PPARGC1A: variants seen among roughly 807,000 people sequenced by gnomAD.
PPARGC1A encodes PPARG coactivator 1 alpha.
A neutral mutation model predicts 88.7 loss-of-function variants in PPARGC1A; 25 were observed. The ratio of observed to expected loss-of-function variants is 0.28; its 90% confidence interval spans 0.21 to 0.39. The LOEUF is 0.39. Among genes scored for constraint, PPARGC1A ranks in the 10% least tolerant of loss-of-function variants. The pLI is 1.00. For synonymous variants in PPARGC1A, 363 were observed against 355.6 expected (o/e 1.02, Z -0.24); for missense variants, 880 against 968.7 (o/e 0.91, Z 1.22).
At chr4:24,191,040 A>G in the PPARGC1A span, among the ~76,000 whole-genome samples, 1 of 152,214 alleles carries the variant, frequency 6.6e-6, no homozygotes, top group Non-Finnish European at 1.5e-5. Flanking sequence ...TGGATGAAGA[A>G]AGCAGCAGCC....
At chr4:24,064,758 T>C in the PPARGC1A span, among the ~76,000 whole-genome samples, 1 of 152,284 alleles carries the variant, frequency 6.6e-6, no homozygotes, top group South Asian at 2.1e-4. Flanking sequence ...CTGGGGTTTT[T>C]TGGTTGGTTT....
At chr4:24,192,286 T>C in the PPARGC1A span, among the ~76,000 whole-genome samples, 3 of 152,262 alleles carry the variant, frequency 2.0e-5, no homozygotes, top group South Asian at 2.1e-4. Flanking sequence ...GGTAACAGGA[T>C]TGTAACAATC....
chr4:24,097,111 G>A, the PPARGC1A span, among the ~76,000 whole-genome samples: 1 of 152,084 alleles, frequency 6.6e-6, no homozygotes, highest in African/African-American at 2.4e-5. Flanking sequence ...GGGAAGGGAG[G>A]GAAGGTGGTT....
At chr4:23,993,910 T>C in the PPARGC1A span, among the ~76,000 whole-genome samples, 1 of 152,156 alleles carries the variant, frequency 6.6e-6, no homozygotes, top group Admixed American at 6.6e-5. Context: ...CTCAGTGGTA[T>C]CCTAGGGGCT....
the PPARGC1A span, among the ~76,000 whole-genome samples, chr4:24,136,504 G>T: frequency 4.6e-5 from 7 of 152,120 alleles, no homozygotes; most frequent in Non-Finnish European, 8.8e-5. Flanking sequence ...CAAGAATAGC[G>T]CTTGGAAATG....
the PPARGC1A span, among the ~76,000 whole-genome samples, chr4:24,040,279 A>T: frequency 1.3e-5 from 2 of 152,180 alleles, no homozygotes; most frequent in African/African-American, 4.8e-5. Flanking sequence ...TAGACTCTGC[A>T]TTTTAATGTG....
intron 7 of PPARGC1A, among the ~76,000 whole-genome samples, chr4:23,818,666 C>T (rs886802502): frequency 6.6e-6 from 1 of 151,636 alleles, no homozygotes; most frequent in East Asian, 1.9e-4. Context: ...TTTAAACAGC[C>T]CTTTTATTTA....
At chr4:24,277,411 G>A in the PPARGC1A span, among the ~76,000 whole-genome samples, 7 of 152,052 alleles carry the variant, frequency 4.6e-5, no homozygotes, top group Admixed American at 1.3e-4. Context: ...AGCCCTCCAA[G>A]TGTAGGCTCT....
the PPARGC1A span, among the ~76,000 whole-genome samples, chr4:24,159,825 T>C: frequency 6.6e-6 from 1 of 152,304 alleles, no homozygotes; most frequent in Non-Finnish European, 1.5e-5. Flanking sequence ...GAATTTGAGG[T>C]CTGGCTTTTG....
the PPARGC1A span, among the ~76,000 whole-genome samples, chr4:24,119,225 GC>G: frequency 6.6e-6 from 1 of 152,090 alleles, no homozygotes; most frequent in Non-Finnish European, 1.5e-5. Flanking sequence ...CCGAAATGCT[GC>G]CCCCACCTTT....
chr4:24,128,531 AGTGTGT>A, the PPARGC1A span, among the ~76,000 whole-genome samples: 14,303 of 138,108 alleles, frequency 0.1, 774 homozygotes, highest in Middle Eastern at 0.14. Context: ...AGCCTGTCAC[AGTGTGT>A]GTGTGTGTGT....
intron 7 of PPARGC1A, among the ~76,000 whole-genome samples, chr4:23,815,617 A>G (rs1467919279): frequency 6.6e-6 from 1 of 152,152 alleles, no homozygotes; most frequent in African/African-American, 2.4e-5. Context: ...GAAGCGTAGT[A>G]GTTTCCTCTG....
At chr4:24,459,457 A>G in the PPARGC1A span, among the ~76,000 whole-genome samples, 1 of 98,472 alleles carries the variant, frequency 1.0e-5, no homozygotes, top group Admixed American at 9.4e-5. Context: ...GTAAATAATG[A>G]AAAAAAAAAA....
chr4:23,874,558 T>TA (rs60012560), intron 2 of PPARGC1A, among the ~76,000 whole-genome samples: 7,576 of 139,198 alleles, frequency 0.054, 265 homozygotes, highest in East Asian at 0.15. Flanking sequence ...TTTTTCCCCC[T>TA]AAAAAAAAAA....
the PPARGC1A span, among the ~76,000 whole-genome samples, chr4:24,315,731 T>C: frequency 6.6e-6 from 1 of 152,186 alleles, no homozygotes; most frequent in South Asian, 2.1e-4. Flanking sequence ...GTAAACATCC[T>C]ACAATGGAAT....
chr4:24,461,241 T>C, the PPARGC1A span, among the ~76,000 whole-genome samples: 1 of 152,264 alleles, frequency 6.6e-6, no homozygotes, highest in Admixed American at 6.5e-5. Context: ...TTTTAAATGA[T>C]GCAAAGATCT....
chr4:24,115,642 C>T, the PPARGC1A span, among the ~76,000 whole-genome samples: 1 of 152,154 alleles, frequency 6.6e-6, no homozygotes, highest in African/African-American at 2.4e-5. Context: ...AACCAGCTCC[C>T]AGTAAAATGA....
At chr4:24,177,382 C>T in the PPARGC1A span, among the ~76,000 whole-genome samples, 17 of 151,410 alleles carry the variant, frequency 1.1e-4, no homozygotes, top group South Asian at 2.1e-4. Flanking sequence ...AACCAAACAC[C>T]GCATGTTCTC....
chr4:23,936,824 C>T, the PPARGC1A span, among the ~76,000 whole-genome samples: 3 of 152,024 alleles, frequency 2.0e-5, no homozygotes, highest in East Asian at 1.9e-4. Flanking sequence ...GAGTCGAGAT[C>T]GCACGACTGC....
Sources: gnomAD v4.1 joint callset for allele counts (sites outside exome capture counted in the v4.1 genomes callset) on GRCh38, gnomAD v4.1.1 for gene constraint, MANE v1.5 for transcripts, NCBI Gene and HGNC (gene_info 2026-07-23, HGNC 2026-07-21) for gene names.